The following SATB2 variants were observed in gnomAD, a reference collection of about 807,000 sequenced individuals.
SATB2 encodes SATB homeobox 2, also known as DNA-binding protein SATB2.
SATB2 carries 1 observed loss-of-function variant against 73.4 expected under a neutral mutation model. That is an observed-to-expected ratio of 0.01 (90% CI 0.00 to 0.06). The LOEUF is 0.06. Among genes scored for constraint, SATB2 ranks in the 10% least tolerant of loss-of-function variants. SATB2 has a pLI of 1.00. For missense variants in SATB2, 459 were observed against 945.8 expected (o/e 0.49, Z 6.75); for synonymous variants, 397 against 367.0 (o/e 1.08, Z -0.93).
intron 2 of SATB2, among the ~76,000 whole-genome samples, chr2:199,446,094 C>T (rs530804787): frequency 6.6e-6 from 1 of 152,150 alleles, no homozygotes; most frequent in African/African-American, 2.4e-5. Flanking sequence ...ATTAAGATTC[C>T]AATTTCTTCC....
At chr2:199,297,780 CT>C (rs1165803349) in intron 10 of SATB2, among the ~76,000 whole-genome samples, 2 of 132,578 alleles carry the variant, frequency 1.5e-5, no homozygotes, top group East Asian at 2.1e-4. Flanking sequence ...CTGAAGTAGC[CT>C]TTTTGCTTTT....
chr2:199,355,463 AAATAT>A (rs905934365), intron 6 of SATB2, among the ~76,000 whole-genome samples: 2 of 151,524 alleles, frequency 1.3e-5, no homozygotes, highest in African/African-American at 4.9e-5. Context: ...TCAATGCTCA[AAATAT>A]AATCCAATGA....
At chr2:199,324,341 T>C (rs1687974848) in intron 8 of SATB2, among the ~76,000 whole-genome samples, 1 of 151,960 alleles carries the variant, frequency 6.6e-6, no homozygotes, top group African/African-American at 2.4e-5. Flanking sequence ...AGAAAAAAAA[T>C]AAGTAAATGG....
In SATB2 at chr2:199,425,520, A is replaced by G. The variant is rs185224976; in HGVS notation, c.346+7818T>C. ...GCATTCAAGTAGAAAATTCAAGGTC[A>G]GAGGTAAAGTGAGATCGCACATTCA... On this transcript the variant is annotated intron_variant, in intron 3 of 10. Transcript: ENST00000417098. Among the ~76,000 whole-genome samples, 393 of 152,312 alleles carry G rather than the reference A, an allele frequency of 2.6e-3. 3 individuals carry two copies. Among genetic ancestry groups the G allele is most frequent in the African/African-American group, 8.0e-3 (334 of 41,578 alleles).
At chr2:199,418,870 T>C (rs1691079637) in intron 3 of SATB2, among the ~76,000 whole-genome samples, 2 of 152,116 alleles carry the variant, frequency 1.3e-5, no homozygotes, top group African/African-American at 2.4e-5. Flanking sequence ...GACCCAAAGA[T>C]CTGGTCTCCA....
intron 7 of SATB2, chr2:199,347,350 G>C (rs867375121): frequency 4.5e-4 from 68 of 151,996 alleles, no homozygotes; most frequent in African/African-American, 1.6e-3. Context: ...ACGTTCACAG[G>C]GTTTTTCTCA....
intron 2 of SATB2, among the ~76,000 whole-genome samples, chr2:199,440,096 A>G (rs1004237865): frequency 2.6e-5 from 4 of 152,076 alleles, no homozygotes; most frequent in Non-Finnish European, 5.9e-5. Context: ...ACAGAAAGAG[A>G]CTCTGCCTCA....
At chr2:199,445,310 T>C (rs923974528) in intron 2 of SATB2, among the ~76,000 whole-genome samples, 4 of 152,214 alleles carry the variant, frequency 2.6e-5, no homozygotes, top group African/African-American at 2.4e-5. Flanking sequence ...CCTGCGCTAA[T>C]TGGAATCCTA....
At chr2:199,343,369 T>C (rs938085809) in intron 7 of SATB2, among the ~76,000 whole-genome samples, 8 of 152,220 alleles carry the variant, frequency 5.3e-5, no homozygotes, top group African/African-American at 1.7e-4. Context: ...ACTGAGGATA[T>C]GCTACAATGT....
At chr2:199,405,983 A>G (rs1488668463) in intron 3 of SATB2, among the ~76,000 whole-genome samples, 2 of 152,204 alleles carry the variant, frequency 1.3e-5, no homozygotes, top group Non-Finnish European at 2.9e-5. Context: ...TAAGTAAATA[A>G]TAATAATGCA....
intron 2 of SATB2, 151 bp from the exon 3 acceptor site, chr2:199,433,665 T>C (rs1691570549): frequency 1.3e-6 from 1 of 757,770 alleles, no homozygotes; most frequent in Non-Finnish European, 2.3e-6. Context: ...ATAGGTCTAA[T>C]GGAAAGCTGT....
chr2:199,359,997 C>A (rs1347190717), intron 6 of SATB2, among the ~76,000 whole-genome samples: 1 of 152,166 alleles, frequency 6.6e-6, no homozygotes, highest in African/African-American at 2.4e-5. Flanking sequence ...TCCCATTAGG[C>A]AATGTGATTT....
intron 5 of SATB2, among the ~76,000 whole-genome samples, chr2:199,370,841 C>T (rs534429416): frequency 3.5e-4 from 53 of 151,640 alleles, no homozygotes; most frequent in Non-Finnish European, 6.0e-4. Context: ...TGTTGGCTAC[C>T]CTGACTCAAT....
intron 3 of SATB2, among the ~76,000 whole-genome samples, chr2:199,383,531 A>G (rs766279516): frequency 6.6e-6 from 1 of 152,202 alleles, no homozygotes; most frequent in East Asian, 1.9e-4. Context: ...ATGATCACCC[A>G]TAAGTTGAAT....
chr2:199,314,187 G>A lies in SATB2; in HGVS notation c.1543-5230C>T, dbSNP rs532603308. Among the ~76,000 whole-genome samples, 23 of 152,232 alleles carry A rather than the reference G, an allele frequency of 1.5e-4. No homozygotes were observed. The East Asian group carries it at 4.2e-3, about 28-fold the overall frequency. Reference sequence around the variant, plus strand: ...AGTTAGCTTCTTGATGGGAGTGGAGGGCAAGGGTTTGTTTCTTACTCATTT... The same window carrying A: ...AGTTAGCTTCTTGATGGGAGTGGAGAGCAAGGGTTTGTTTCTTACTCATTT... On this transcript the variant is annotated intron_variant, in intron 9 of 10. Coordinates refer to ENST00000417098, the MANE Select transcript of SATB2 (RefSeq NM_001172509.2).
chr2:199,469,015 G>A (rs1190776920), upstream of SATB2: 1 of 152,274 alleles, frequency 6.6e-6, no homozygotes, highest in Non-Finnish European at 1.5e-5. Flanking sequence ...GCGTCTCGAA[G>A]GGACTGGTCT....
At chr2:199,341,297 C>G (rs564965711) in intron 7 of SATB2, among the ~76,000 whole-genome samples, 1 of 152,154 alleles carries the variant, frequency 6.6e-6, no homozygotes, top group Non-Finnish European at 1.5e-5. Context: ...TAAGCAAGAA[C>G]GAATATGGAA....
Position 199,286,422 on chromosome 2 carries a change from A to C in SATB2, c.1741-13750T>G, listed in dbSNP as rs535851982. On this transcript the variant is annotated intron_variant, in intron 10 of 10. Transcript: ENST00000417098. The stretch of plus-strand genomic sequence containing the variant: ...ATCTAGGGCTAACATGACCAAAACC[A>C]TTCCACAAAAACAACAAACACAATC... 2.1e-3 allele frequency among the ~76,000 whole-genome samples: 318 copies of C among 152,322 alleles called. 2 individuals are homozygous for C. The highest frequency in any genetic ancestry group is 6.9e-3 in the African/African-American group (287 of 41,564).
intron 2 of SATB2, among the ~76,000 whole-genome samples, chr2:199,448,865 A>G (rs1237042362): frequency 3.3e-5 from 5 of 152,138 alleles, no homozygotes; most frequent in African/African-American, 1.2e-4. Context: ...CATTCCAATG[A>G]TACGGCTACT....
Sources: gnomAD v4.1 joint callset for allele counts (sites outside exome capture counted in the v4.1 genomes callset) on GRCh38, gnomAD v4.1.1 for gene constraint, MANE v1.5 for transcripts, NCBI Gene and HGNC (gene_info 2026-07-23, HGNC 2026-07-21) for gene names.